Variants in OPHN1 observed in about 807,000 individuals in gnomAD.
OPHN1 encodes oligophrenin 1.
OPHN1 carries 11 observed loss-of-function variants against 60.7 expected under a neutral mutation model. The observed-to-expected ratio is 0.18, with a 90% CI of 0.11 to 0.30. The LOEUF is 0.30. Among genes scored for constraint, OPHN1 ranks in the 10% least tolerant of loss-of-function variants. The pLI is 1.00. For synonymous variants in OPHN1, 226 were observed against 222.6 expected, an observed-to-expected ratio of 1.02 and a Z score of -0.14; for missense variants, 449 against 611.0, an observed-to-expected ratio of 0.73 and a Z score of 2.80.
Position 68,377,313 on chromosome X carries a change from G to C in OPHN1, c.154+55554C>G, listed in dbSNP as rs1463591353. On this transcript the variant is annotated intron_variant, in intron 2 of 24. Coordinates refer to ENST00000355520, the MANE Select transcript of OPHN1 (RefSeq NM_002547.3). ...GGGTTTCACCACATTAGCCAGGATG[G>C]TCTTGATCTCCTGACCTCGTGATCC... is the stretch of plus-strand genomic sequence containing the variant. Among the ~76,000 whole-genome samples, 3 of 109,090 alleles carry C rather than the reference G, an allele frequency of 2.8e-5. No homozygotes were observed. The Admixed American group carries it at 3.0e-4, about 11-fold the overall frequency. 94.7% of individuals were successfully genotyped at this position (109,090 alleles called of 115,157 possible). A position where few individuals can be genotyped will look rare whatever the true frequency, so the allele number is the denominator to read the frequency against.
chrX:68,419,758 C>G (rs891421238), intron 2 of OPHN1, among the ~76,000 whole-genome samples: 3 of 110,803 alleles, frequency 2.7e-5, no homozygotes, highest in Non-Finnish European at 5.7e-5. Flanking sequence ...CCAGGCTGGT[C>G]TCGAACTACT....
intron 11 of OPHN1, among the ~76,000 whole-genome samples, chrX:68,198,160 G>A (rs1198162001): frequency 8.9e-6 from 1 of 111,935 alleles, no homozygotes; most frequent in Admixed American, 9.5e-5. Flanking sequence ...AACTACCAAT[G>A]TGATGATATT....
chrX:68,043,378 A>G lies in OPHN1; in HGVS notation c.*3794T>C, dbSNP rs2076822248. The G allele has an allele frequency of 1.0e-5, 1 of 98,254 alleles. No homozygotes were observed. Among genetic ancestry groups the G allele is most frequent in the Non-Finnish European group, 2.0e-5 (1 of 50,393 alleles). 8.1% of individuals were successfully genotyped at this position (98,254 alleles called of 1,213,427 possible). ...CTAAAACTTAGAGTATAATAAAAAA[A>G]AGAAAAAAAAAAGAAAAAAAAAGGT... On this transcript the variant is annotated 3_prime_UTR_variant, in exon 25 of 25. Transcript: ENST00000355520.
intron 2 of OPHN1, among the ~76,000 whole-genome samples, chrX:68,356,819 AAC>A (rs770070095): frequency 1.2e-3 from 139 of 111,497 alleles, no homozygotes; most frequent in African/African-American, 4.1e-3. Flanking sequence ...GATTTTTTAA[AAC>A]AGTCTCCACA....
intron 19 of OPHN1, among the ~76,000 whole-genome samples, chrX:68,088,865 G>A (rs895810590): frequency 9.0e-6 from 1 of 110,620 alleles, no homozygotes; most frequent in Non-Finnish European, 1.9e-5. Flanking sequence ...ATAAAGTTGG[G>A]ATGTAACCCC....
chrX:68,431,581 T>TA (rs1014046698), intron 2 of OPHN1, among the ~76,000 whole-genome samples: 18 of 47,588 alleles, frequency 3.8e-4, no homozygotes, highest in African/African-American at 9.5e-4. Flanking sequence ...CATGCCCAGC[T>TA]AATTTTTTTT....
intron 2 of OPHN1, among the ~76,000 whole-genome samples, chrX:68,346,971 A>G (rs978931569): frequency 8.9e-6 from 1 of 112,308 alleles, no homozygotes; most frequent in African/African-American, 3.2e-5. Context: ...ACAGAACTAG[A>G]GTGTACGAAG....
At chrX:68,263,411 A>G (rs772123742) in intron 5 of OPHN1, among the ~76,000 whole-genome samples, 2 of 111,304 alleles carry the variant, frequency 1.8e-5, no homozygotes, top group South Asian at 7.6e-4. Context: ...TTCTTTTTTG[A>G]TTTTTAATTC....
intron 4 of OPHN1, among the ~76,000 whole-genome samples, chrX:68,276,489 A>C (rs948682125): frequency 2.7e-5 from 3 of 111,846 alleles, no homozygotes. Context: ...TATCAAAAAA[A>C]AATTACACCA....
intron 2 of OPHN1, among the ~76,000 whole-genome samples, chrX:68,307,616 A>G (rs2078152335): frequency 9.0e-6 from 1 of 111,273 alleles, no homozygotes; most frequent in African/African-American, 3.3e-5. Context: ...CAGGGAGTGG[A>G]AAAAGGGTGT....
chrX:68,317,588 AGAGAGAG>A lies in OPHN1; in HGVS notation c.155-18499_155-18493del, dbSNP rs1457413405. Among the ~76,000 whole-genome samples the A allele has an allele frequency of 3.8e-3, 351 of 91,803 alleles. 10 individuals carry two copies. Among genetic ancestry groups the A allele is most frequent in the African/African-American group, 0.017 (335 of 19,371 alleles). The allele number at this position is 91,803 out of a possible 115,157, so 79.7% of individuals were successfully genotyped here. On this transcript the variant is annotated intron_variant, in intron 2 of 24. Transcript: ENST00000355520. ...GAAAGAAAGAAAGAGAAAGAAAGAA[AGAGAGAG>A]AAAGAAAAAAGAAAGGAGGGAGTGA...
At chrX:68,293,676 CT>C (rs1174095083) in intron 3 of OPHN1, among the ~76,000 whole-genome samples, 1 of 111,865 alleles carries the variant, frequency 8.9e-6, no homozygotes, top group East Asian at 2.8e-4. Flanking sequence ...ATGCCATGCT[CT>C]GCTGATGACA....
chrX:68,426,891 CAAA>C (rs11349332), intron 2 of OPHN1, among the ~76,000 whole-genome samples: 1 of 17,125 alleles, frequency 5.8e-5, no homozygotes, highest in African/African-American at 7.3e-5. Context: ...TTAAAACAAA[CAAA>C]AAAAAAAAAA....
chrX:68,263,436 G>A lies in OPHN1; in HGVS notation c.384+11302C>T, dbSNP rs1249742555. On this transcript the variant is annotated intron_variant, in intron 5 of 24. Transcript: ENST00000355520. The stretch of plus-strand genomic sequence containing the variant: ...ATTTTTAATTCACAGTAAGTCCATC[G>A]TCAATCGGACAGTTTCATGGAGCAC... Among the ~76,000 whole-genome samples, 3 of 111,232 alleles carry A rather than the reference G, an allele frequency of 2.7e-5. 1 individual carries two copies. Among genetic ancestry groups the A allele is most frequent in the Admixed American group, 1.9e-4 (2 of 10,389 alleles).
chrX:68,131,169 A>T (rs1190302148), intron 15 of OPHN1, among the ~76,000 whole-genome samples: 12 of 109,663 alleles, frequency 1.1e-4, no homozygotes, highest in Admixed American at 8.8e-4. Flanking sequence ...GCCAAAAAGC[A>T]TTAAATTAAA....
chrX:68,304,689 C>A (rs1451714090), intron 2 of OPHN1, among the ~76,000 whole-genome samples: 3 of 110,933 alleles, frequency 2.7e-5, no homozygotes, highest in Non-Finnish European at 5.7e-5. Context: ...GAACAGTGAC[C>A]TTTTTGGTAT....
intron 18 of OPHN1, among the ~76,000 whole-genome samples, chrX:68,109,075 C>T (rs957556726): frequency 1.1e-4 from 12 of 110,813 alleles, no homozygotes; most frequent in African/African-American, 3.3e-4. Context: ...AGTATATTCA[C>T]GGAGCCGTGC....
At chrX:68,113,970 TAA>T (rs1383769635) in intron 16 of OPHN1, among the ~76,000 whole-genome samples, 1 of 38,033 alleles carries the variant, frequency 2.6e-5, no homozygotes, top group African/African-American at 7.9e-5. Context: ...ATAATAATAA[TAA>T]AAAAAAAAAG....
rs188320184 is a variant in OPHN1 at position 68,169,304 on chromosome X, T to C, written c.1276+23615A>G. Among the ~76,000 whole-genome samples the C allele has an allele frequency of 4.2e-3, 473 of 111,467 alleles. 1 individual carries two copies. Among genetic ancestry groups the C allele is most frequent in the Non-Finnish European group, 6.8e-3 (361 of 53,080 alleles). ...TAGGATACAAAGAAATGGAAGAACA[T>C]TCCATGCTCATGGGTAGGAAGAATC... On this transcript the variant is annotated intron_variant, in intron 15 of 24. Transcript: ENST00000355520.
Sources: allele counts gnomAD v4.1 joint callset (sites outside exome capture counted in the v4.1 genomes callset), GRCh38; gene constraint gnomAD v4.1.1; transcripts MANE v1.5; gene names NCBI Gene and HGNC (gene_info 2026-07-23, HGNC 2026-07-21).